Variants in RFX3 observed in about 807,000 individuals in gnomAD.
RFX3 encodes the protein transcription factor RFX3.
Under a neutral mutation model 98.6 loss-of-function variants are expected in RFX3, and 14 were observed. That is an observed-to-expected ratio of 0.14 (90% confidence interval 0.09 to 0.22). RFX3 has a LOEUF of 0.22. Ranked by LOEUF, RFX3 falls within the 10% of genes least tolerant of loss-of-function variation. The probability of loss-of-function intolerance (pLI) is 1.00; values close to 1 mark genes in which losing one functional copy is unlikely to be tolerated. For synonymous variants in RFX3, 383 were observed against 328.4 expected, an observed-to-expected ratio of 1.17 and a Z score of -1.80; for missense variants, 639 against 926.9, an observed-to-expected ratio of 0.69 and a Z score of 4.03.
intron 4 of RFX3, among the ~76,000 whole-genome samples, chr9:3,306,870 G>C (rs898829434): frequency 6.6e-6 from 1 of 152,000 alleles, no homozygotes; most frequent in Non-Finnish European, 1.5e-5. Flanking sequence ...TCAAGGAAGG[G>C]TAAGATTGGT....
At chr9:3,326,926 T>C (rs2130830770) in intron 4 of RFX3, among the ~76,000 whole-genome samples, 1 of 152,244 alleles carries the variant, frequency 6.6e-6, no homozygotes, top group African/African-American at 2.4e-5. Context: ...ACGGACTATT[T>C]CTCAGTCAAG....
intron 3 of RFX3, among the ~76,000 whole-genome samples, chr9:3,344,102 T>C (rs1454001250): frequency 5.3e-5 from 8 of 152,172 alleles, no homozygotes; most frequent in Admixed American, 3.3e-4. Context: ...TAAAGCAGTT[T>C]AAAAATGCAC....
chr9:3,452,979 A>C (rs1331952967), intron 1 of RFX3, among the ~76,000 whole-genome samples: 1 of 152,206 alleles, frequency 6.6e-6, no homozygotes, highest in Non-Finnish European at 1.5e-5. Context: ...ATCAAAAGCA[A>C]CTTAGGATGG....
intron 1 of RFX3, among the ~76,000 whole-genome samples, chr9:3,512,139 G>C (rs1198468906): frequency 6.6e-6 from 1 of 151,660 alleles, no homozygotes; most frequent in Non-Finnish European, 1.5e-5. Flanking sequence ...GAAAAAACAA[G>C]ATCATTTTTA....
At chr9:3,239,896 C>G (rs1819691080) in intron 15 of RFX3, among the ~76,000 whole-genome samples, 1 of 152,216 alleles carries the variant, frequency 6.6e-6, no homozygotes, top group South Asian at 2.1e-4. Flanking sequence ...CCCCGTGGCT[C>G]TGAGTTCCCT....
At chr9:3,438,163 G>A (rs749348732) in intron 1 of RFX3, among the ~76,000 whole-genome samples, 5 of 152,004 alleles carry the variant, frequency 3.3e-5, no homozygotes, top group East Asian at 1.9e-4. Flanking sequence ...CACAGAAGCC[G>A]ACAGTTGATC....
chr9:3,517,878 G>T (rs372017179), intron 1 of RFX3, among the ~76,000 whole-genome samples: 18 of 152,182 alleles, frequency 1.2e-4, no homozygotes, highest in African/African-American at 4.3e-4. Context: ...TAACCATACA[G>T]TCACGCACCA....
intron 11 of RFX3, 75 bp from the exon 12 acceptor site, chr9:3,266,380 A>C: frequency 1.1e-6 from 1 of 915,286 alleles, no homozygotes; most frequent in Non-Finnish European, 1.7e-6. Flanking sequence ...AATAAAAGAA[A>C]ATGCTCGTAC....
chr9:3,397,660 T>A (rs777727827), intron 1 of RFX3, among the ~76,000 whole-genome samples: 23 of 152,176 alleles, frequency 1.5e-4, no homozygotes, highest in Non-Finnish European at 2.9e-4. Context: ...TGTGCTTAAT[T>A]TTCTTTCTAC....
chr9:3,266,442 A>G (rs1371754878), intron 11 of RFX3, 137 bp from the exon 12 acceptor site: 5 of 444,150 alleles, frequency 1.1e-5, no homozygotes, highest in Non-Finnish European at 1.6e-5. Flanking sequence ...ATGAAACTTT[A>G]TTTAACATTA....
chr9:3,227,561 G>A (rs1291898291), intron 16 of RFX3, among the ~76,000 whole-genome samples: 2 of 152,174 alleles, frequency 1.3e-5, no homozygotes, highest in African/African-American at 2.4e-5. Flanking sequence ...GTTCAGCACC[G>A]TGTGAAGAAG....
intron 15 of RFX3, among the ~76,000 whole-genome samples, chr9:3,244,579 A>T (rs1422315072): frequency 1.3e-5 from 2 of 152,126 alleles, no homozygotes; most frequent in Non-Finnish European, 2.9e-5. Flanking sequence ...CACCTCTGTC[A>T]GGGCCTGTGC....
chr9:3,454,304 G>T (rs949535855), intron 1 of RFX3, among the ~76,000 whole-genome samples: 1 of 152,102 alleles, frequency 6.6e-6, no homozygotes, highest in African/African-American at 2.4e-5. Flanking sequence ...CTCGAGAGAA[G>T]AAATACATGT....
intron 2 of RFX3, among the ~76,000 whole-genome samples, chr9:3,389,138 A>G (rs1840024801): frequency 6.6e-6 from 1 of 152,278 alleles, no homozygotes; most frequent in South Asian, 2.1e-4. Flanking sequence ...TCAAAGTTCT[A>G]CCTTGAAAAG....
chr9:3,352,548 C>T lies in RFX3; in HGVS notation c.118-5784G>A, dbSNP rs115893378. Among the ~76,000 whole-genome samples, 1,170 of 152,090 alleles carry T rather than the reference C, an allele frequency of 7.7e-3. 15 individuals carry two copies. The highest frequency in any genetic ancestry group is 0.027 in the African/African-American group (1,107 of 41,522). ...TGATCACATCTTAAACTTCTCTGCA[C>T]CTTACACATTATGCACCTTACACAT... On this transcript the variant is annotated intron_variant, in intron 2 of 16. Transcript: ENST00000617270.
At chr9:3,502,790 G>C (rs138858642) in intron 1 of RFX3, among the ~76,000 whole-genome samples, 1 of 152,214 alleles carries the variant, frequency 6.6e-6, no homozygotes, top group African/African-American at 2.4e-5. Flanking sequence ...TTAGCCCTGA[G>C]TCATCTATGT....
chr9:3,320,551 C>T (rs1831145631), intron 4 of RFX3, among the ~76,000 whole-genome samples: 1 of 150,732 alleles, frequency 6.6e-6, no homozygotes, highest in Non-Finnish European at 1.5e-5. Context: ...GACTGTCCCA[C>T]CCCCTCCATA....
intron 1 of RFX3, among the ~76,000 whole-genome samples, chr9:3,405,939 G>A (rs1376888992): frequency 2.0e-5 from 3 of 151,984 alleles, no homozygotes; most frequent in Non-Finnish European, 2.9e-5. Context: ...CAAACCTGGG[G>A]CATTTGGTTT....
chr9:3,316,804 C>T (rs550248638), intron 4 of RFX3, among the ~76,000 whole-genome samples: 1 of 152,076 alleles, frequency 6.6e-6, no homozygotes, highest in Non-Finnish European at 1.5e-5. Context: ...AGGAATCCAA[C>T]TTATAAGGGA....
Sources: gnomAD v4.1 joint callset for allele counts (sites outside exome capture counted in the v4.1 genomes callset) on GRCh38, gnomAD v4.1.1 for gene constraint, MANE v1.5 for transcripts, NCBI Gene and HGNC (gene_info 2026-07-23, HGNC 2026-07-21) for gene names.